The following FMN2 variants were observed in gnomAD, a reference collection of about 807,000 sequenced individuals.
FMN2 encodes formin-2.
In FMN2, 51 loss-of-function variants were observed where a neutral mutation model predicts 142.3. That is an observed-to-expected ratio of 0.36 (90% CI 0.29 to 0.45). FMN2 has a LOEUF of 0.45. Among genes scored for constraint, FMN2 ranks in the 20% least tolerant of loss-of-function variants. The pLI is 1.00. For synonymous variants in FMN2, 882 were observed against 869.8 expected, an observed-to-expected ratio of 1.01 and a Z score of -0.25; for missense variants, 1,936 against 2,122.8, an observed-to-expected ratio of 0.91 and a Z score of 1.73.
chr1:240,355,451 C>T (rs796572169), intron 13 of FMN2, among the ~76,000 whole-genome samples: 9 of 152,262 alleles, frequency 5.9e-5, no homozygotes, highest in African/African-American at 2.2e-4. Context: ...ATTATTCTAA[C>T]ACTTCACGTC....
chr1:240,367,059 A>G (rs1478337397), intron 14 of FMN2, among the ~76,000 whole-genome samples: 2 of 152,104 alleles, frequency 1.3e-5, no homozygotes, highest in African/African-American at 4.8e-5. Flanking sequence ...CAGAGTTCCA[A>G]TTGTGTTAAA....
intron 2 of FMN2, among the ~76,000 whole-genome samples, chr1:240,161,133 C>A (rs1166751047): frequency 2.6e-5 from 4 of 152,016 alleles, no homozygotes; most frequent in Non-Finnish European, 5.9e-5. Flanking sequence ...TATTTCATTT[C>A]TCTCCAAACT....
intron 2 of FMN2, among the ~76,000 whole-genome samples, chr1:240,125,731 T>A (rs1445465757): frequency 1.3e-5 from 2 of 152,228 alleles, no homozygotes; most frequent in Non-Finnish European, 2.9e-5. Flanking sequence ...TCTCTCTCTT[T>A]TTTAAAATCA....
intron 4 of FMN2, among the ~76,000 whole-genome samples, chr1:240,200,963 G>T (rs1388451953): frequency 6.6e-6 from 1 of 152,144 alleles, no homozygotes; most frequent in Non-Finnish European, 1.5e-5. Flanking sequence ...TAAAGATTCA[G>T]ATTTGGAATT....
At chr1:240,165,362 G>T (rs933632527) in intron 2 of FMN2, among the ~76,000 whole-genome samples, 1 of 152,006 alleles carries the variant, frequency 6.6e-6, no homozygotes, top group Non-Finnish European at 1.5e-5. Flanking sequence ...TTTTTGTAGG[G>T]ACGGGGTCTC....
chr1:240,273,420 C>G (rs12040598), intron 7 of FMN2, among the ~76,000 whole-genome samples: 41,388 of 152,068 alleles, frequency 0.27, 5,798 homozygotes, highest in Middle Eastern at 0.35. Flanking sequence ...CATTCTGGGT[C>G]CAGGTCCATG....
chr1:240,317,088 C>T (rs1670809755), intron 8 of FMN2, among the ~76,000 whole-genome samples: 2 of 152,140 alleles, frequency 1.3e-5, no homozygotes, highest in South Asian at 2.1e-4. Flanking sequence ...GGGCTGATCA[C>T]GAGGTCTATC....
rs373538378 is a variant in FMN2, at chr1:240,305,655, A to G, written c.4215+10772A>G. Among the ~76,000 whole-genome samples the G allele has an allele frequency of 5.6e-4, 85 of 152,348 alleles. No individual in the cohort carries two copies. In the East Asian group the frequency reaches 0.012, roughly 22 times the overall value. On this transcript the variant is annotated intron_variant, in intron 8 of 17. Coordinates refer to ENST00000319653, the MANE Select transcript of FMN2 (RefSeq NM_020066.5). ...GGTTTGGAAAATGCTACTATAGTGC[A>G]GTCTAAATAAATCCAGACTTGCAGA...
intron 15 of FMN2, among the ~76,000 whole-genome samples, chr1:240,431,305 T>C (rs1022108431): frequency 9.9e-5 from 15 of 151,458 alleles, no homozygotes; most frequent in African/African-American, 3.6e-4. Context: ...CAATATTAAG[T>C]TCACTTATTT....
intron 15 of FMN2, among the ~76,000 whole-genome samples, chr1:240,396,687 T>C (rs1350093458): frequency 1.3e-5 from 2 of 152,326 alleles, no homozygotes; most frequent in African/African-American, 4.8e-5. Context: ...CTCCCACTTA[T>C]AAGTGAGAAT....
chr1:240,115,812 G>T (rs1052236647), intron 1 of FMN2, among the ~76,000 whole-genome samples: 5 of 152,178 alleles, frequency 3.3e-5, no homozygotes, highest in Non-Finnish European at 5.9e-5. Flanking sequence ...GAATAAAAGG[G>T]TGGCTACCCC....
chr1:240,439,270 C>CAAAAAAAAAAAAAAAAAAA (rs58234038), intron 16 of FMN2, among the ~76,000 whole-genome samples: 1 of 101,260 alleles, frequency 9.9e-6, no homozygotes, highest in African/African-American at 4.5e-5. Flanking sequence ...AAGGCTGTCT[C>CAAAAAAAAAAAAAAAAAAA]AAAAAAAAAA....
At chr1:240,318,315 C>G (rs921602228) in intron 8 of FMN2, among the ~76,000 whole-genome samples, 1 of 152,196 alleles carries the variant, frequency 6.6e-6, no homozygotes, top group Non-Finnish European at 1.5e-5. Flanking sequence ...GGTGTTTGGC[C>G]TAGGGCAGGT....
chr1:240,205,891 CT>C lies in FMN2; in HGVS notation c.1987-886del, dbSNP rs57803350. Among the ~76,000 whole-genome samples the C allele has an allele frequency of 7.7e-3, 931 of 120,498 alleles. 4 individuals are homozygous for C. Among genetic ancestry groups the C allele is most frequent in the African/African-American group, 0.026 (830 of 31,360 alleles). 79.1% of individuals were successfully genotyped at this position (120,498 alleles called of 152,430 possible). A position where few individuals can be genotyped will look rare whatever the true frequency, so the allele number is the denominator to read the frequency against. On this transcript the variant is annotated intron_variant, in intron 4 of 17. Coordinates refer to ENST00000319653, the MANE Select transcript of FMN2 (RefSeq NM_020066.5). ...ATGTTGGCCAGTTGTTATCAGCCATCTTTTTTTTTTTTTTTTTTTTTTGAGA... is the reference window on the plus strand; with the variant it reads ...ATGTTGGCCAGTTGTTATCAGCCATCTTTTTTTTTTTTTTTTTTTTTGAGA...
intron 15 of FMN2, among the ~76,000 whole-genome samples, chr1:240,418,341 C>T (rs1294865920): frequency 9.9e-5 from 15 of 151,798 alleles, no homozygotes; most frequent in East Asian, 3.9e-4. Flanking sequence ...GGACTACAGG[C>T]GCCCACCACC....
At chr1:240,247,227 G>T (rs1668110563) in intron 6 of FMN2, among the ~76,000 whole-genome samples, 3 of 152,318 alleles carry the variant, frequency 2.0e-5, no homozygotes, top group South Asian at 4.1e-4. Context: ...AGCAGGCTGG[G>T]AGTGGTGGCT....
chr1:240,105,100 C>CTTTTT (rs57841541), intron 1 of FMN2, among the ~76,000 whole-genome samples: 2 of 72,986 alleles, frequency 2.7e-5, no homozygotes, highest in African/African-American at 5.3e-5. Flanking sequence ...GTTTATGCTT[C>CTTTTT]TTTTTTTTTT....
chr1:240,423,858 G>A (rs763882790), intron 15 of FMN2, among the ~76,000 whole-genome samples: 1 of 152,194 alleles, frequency 6.6e-6, no homozygotes, highest in Non-Finnish European at 1.5e-5. Context: ...GAGATAGGGA[G>A]GGAGGACATT....
At chr1:240,451,216 A>G (rs977188519) in intron 16 of FMN2, among the ~76,000 whole-genome samples, 8 of 151,998 alleles carry the variant, frequency 5.3e-5, no homozygotes, top group Non-Finnish European at 1.2e-4. Context: ...AAATACAAAA[A>G]TTAGCTGGGC....
Sources: gnomAD v4.1 joint callset for allele counts (sites outside exome capture counted in the v4.1 genomes callset) on GRCh38, gnomAD v4.1.1 for gene constraint, MANE v1.5 for transcripts, NCBI Gene and HGNC (gene_info 2026-07-23, HGNC 2026-07-21) for gene names.